Variants in ARNT2 observed in about 807,000 individuals in gnomAD.
The protein encoded by ARNT2 is aryl hydrocarbon receptor nuclear translocator 2, also known as ARNT protein 2.
Under a neutral mutation model 91.7 loss-of-function variants are expected in ARNT2, and 36 were observed. The ratio of observed to expected loss-of-function variants is 0.39; its 90% CI spans 0.30 to 0.52. ARNT2 has a LOEUF of 0.52. Among genes scored for constraint, ARNT2 ranks in the 20% least tolerant of loss-of-function variants. The pLI is 0.72. For missense variants in ARNT2, 775 were observed against 939.3 expected, an observed-to-expected ratio of 0.83 and a Z score of 2.29; for synonymous variants, 365 against 347.1, an observed-to-expected ratio of 1.05 and a Z score of -0.57.
At chr15:80,508,096 C>A in intron 5 of ARNT2, 60 bp from the exon 6 acceptor site, 1 of 1,549,954 alleles carries the variant, frequency 6.5e-7, no homozygotes, top group Non-Finnish European at 8.9e-7. Flanking sequence ...CCCCGAACTC[C>A]CTCCTCCATC....
intron 11 of ARNT2, among the ~76,000 whole-genome samples, chr15:80,557,815 C>A (rs1898223219): frequency 6.6e-6 from 1 of 152,176 alleles, no homozygotes; most frequent in Admixed American, 6.5e-5. Flanking sequence ...CTGACCATTG[C>A]AGTCATTTCC....
intron 8 of ARNT2, among the ~76,000 whole-genome samples, chr15:80,524,799 T>C (rs1261681658): frequency 2.7e-5 from 4 of 150,160 alleles, no homozygotes; most frequent in South Asian, 4.2e-4. Context: ...GGCATGAACC[T>C]GGGAGGCAGA....
intron 5 of ARNT2, among the ~76,000 whole-genome samples, chr15:80,502,025 C>G (rs1223695238): frequency 1.7e-4 from 26 of 152,214 alleles, no homozygotes; most frequent in Non-Finnish European, 1.5e-5. Context: ...GGGCCTCTTA[C>G]AAAGCCAGCC....
intron 1 of ARNT2, among the ~76,000 whole-genome samples, chr15:80,435,510 A>G (rs1027671625): frequency 3.3e-5 from 5 of 151,526 alleles, no homozygotes; most frequent in African/African-American, 7.3e-5. Flanking sequence ...ACCCCTTCCC[A>G]TAGAACCATT....
At chr15:80,412,190 G>C (rs1226098253) in intron 1 of ARNT2, among the ~76,000 whole-genome samples, 7 of 152,118 alleles carry the variant, frequency 4.6e-5, no homozygotes, top group African/African-American at 1.7e-4. Flanking sequence ...TTTTTTCAGG[G>C]AAATCTACAA....
chr15:80,431,417 C>T (rs916069615), intron 1 of ARNT2, among the ~76,000 whole-genome samples: 3 of 152,326 alleles, frequency 2.0e-5, no homozygotes, highest in Admixed American at 2.0e-4. Context: ...CTGCCAACCA[C>T]TTCCCTCTGA....
chr15:80,507,642 G>A lies in ARNT2; in HGVS notation c.623-514G>A, dbSNP rs376733973. Reference sequence around the variant, plus strand: ...ATTGCATAGGGAACATGTACAGTGAGAAGAGAAGAAGGCTGAGGTTGGAGC... The same window carrying A: ...ATTGCATAGGGAACATGTACAGTGAAAAGAGAAGAAGGCTGAGGTTGGAGC... On this transcript the variant is annotated intron_variant, in intron 5 of 18. Coordinates refer to ENST00000303329, the MANE Select transcript of ARNT2 (RefSeq NM_014862.4). 2.0e-5 allele frequency among the ~76,000 whole-genome samples: 3 copies of A among 152,202 alleles called. 1 individual carries two copies. Among genetic ancestry groups the A allele is most frequent in the Admixed American group, 6.5e-5 (1 of 15,284 alleles).
At chr15:80,514,225 CAAGGG>C in intron 7 of ARNT2, 90 bp from the exon 8 acceptor site, 1 of 1,314,574 alleles carries the variant, frequency 7.6e-7, no homozygotes, top group Non-Finnish European at 1.1e-6. Context: ...CAAAGGCAGA[CAAGGG>C]AACCCAGTAG....
At chr15:80,528,217 G>C (rs1190298968) in intron 8 of ARNT2, among the ~76,000 whole-genome samples, 4 of 151,914 alleles carry the variant, frequency 2.6e-5, no homozygotes, top group Non-Finnish European at 5.9e-5. Context: ...CAGCTGGCGG[G>C]TGGGGACGCT....
chr15:80,492,696 G>T (rs1202207023), intron 5 of ARNT2, among the ~76,000 whole-genome samples: 1 of 152,082 alleles, frequency 6.6e-6, no homozygotes, highest in African/African-American at 2.4e-5. Flanking sequence ...GTGTGTGTTT[G>T]TGAGTGTGTA....
intron 11 of ARNT2, 139 bp downstream of exon 11, chr15:80,555,278 A>C: frequency 1.3e-6 from 1 of 778,526 alleles, no homozygotes; most frequent in Middle Eastern, 2.5e-4. Context: ...CCCTGCTAGG[A>C]AGTCACTCAC....
intron 2 of ARNT2, 123 bp from the exon 3 acceptor site, chr15:80,457,806 C>A: frequency 9.6e-7 from 1 of 1,039,932 alleles, no homozygotes; most frequent in Non-Finnish European, 1.4e-6. Context: ...GTAGCACTGC[C>A]AAAGGTTGGG....
rs139016962 is a variant in ARNT2, at chr15:80,504,992, G to A, written c.623-3164G>A. 7.9e-4 allele frequency among the ~76,000 whole-genome samples: 121 copies of A among 152,262 alleles called. 2 individuals carry two copies. The East Asian group carries it at 0.022, about 28-fold the overall frequency. On this transcript the variant is annotated intron_variant, in intron 5 of 18. Transcript: ENST00000303329. ...TGGAGGCCTTTTATACTGGTCTGCGGGACTTGGATTTTCCTGACAACTAAG... is the reference window on the plus strand; with the variant it reads ...TGGAGGCCTTTTATACTGGTCTGCGAGACTTGGATTTTCCTGACAACTAAG...
intron 1 of ARNT2, among the ~76,000 whole-genome samples, chr15:80,410,343 C>T (rs1023073995): frequency 5.9e-5 from 9 of 152,146 alleles, no homozygotes; most frequent in South Asian, 4.2e-4. Context: ...GAGTCAAGGA[C>T]GATTCCCAGC....
chr15:80,452,452 G>A (rs951452871), intron 2 of ARNT2, among the ~76,000 whole-genome samples: 16 of 152,198 alleles, frequency 1.1e-4, no homozygotes, highest in African/African-American at 2.2e-4. Flanking sequence ...CCAGCCATCC[G>A]ATTTCAACCA....
intron 8 of ARNT2, among the ~76,000 whole-genome samples, chr15:80,540,806 G>T (rs537230629): frequency 6.6e-6 from 1 of 152,202 alleles, no homozygotes; most frequent in African/African-American, 2.4e-5. Context: ...CTGCATCCAT[G>T]TTGCTGCAGA....
At chr15:80,526,631 G>A (rs746297500) in intron 8 of ARNT2, among the ~76,000 whole-genome samples, 1 of 152,214 alleles carries the variant, frequency 6.6e-6, no homozygotes, top group East Asian at 1.9e-4. Context: ...GGGTCAGGAG[G>A]AGGTTCGGGT....
At chr15:80,505,927 G>GGTTTTTTTT (rs1897266872) in intron 5 of ARNT2, among the ~76,000 whole-genome samples, 1 of 88,930 alleles carries the variant, frequency 1.1e-5, no homozygotes, top group South Asian at 4.4e-4. Context: ...AACATTTGTT[G>GGTTTTTTTT]TTTTTTTTTT....
chr15:80,441,557 T>G (rs1318623927), intron 1 of ARNT2, among the ~76,000 whole-genome samples: 1 of 152,218 alleles, frequency 6.6e-6, no homozygotes, highest in Non-Finnish European at 1.5e-5. Context: ...TGTTGTCATG[T>G]TGTGAAAGTT....
Sources: gnomAD v4.1 joint callset for allele counts (sites outside exome capture counted in the v4.1 genomes callset) on GRCh38, gnomAD v4.1.1 for gene constraint, MANE v1.5 for transcripts, NCBI Gene and HGNC (gene_info 2026-07-23, HGNC 2026-07-21) for gene names.